The following GLDC variants were observed in gnomAD, a reference collection of about 807,000 sequenced individuals.
GLDC encodes glycine decarboxylase.
A neutral mutation model predicts 121.3 loss-of-function variants in GLDC; 104 were observed. That is an observed-to-expected ratio of 0.86 (90% CI 0.73 to 1.01). GLDC has a LOEUF of 1.01. Ranked by LOEUF, GLDC falls within the 50% of genes least tolerant of loss-of-function variation. The pLI, the probability that GLDC is intolerant of heterozygous loss-of-function variation, is 0.00. For synonymous variants in GLDC, 546 were observed against 480.6 expected, an observed-to-expected ratio of 1.14 and a Z score of -1.78; for missense variants, 1,429 against 1,306.6, an observed-to-expected ratio of 1.09 and a Z score of -1.44.
chr9:6,618,112 T>C (rs1587970923), intron 3 of GLDC, among the ~76,000 whole-genome samples: 1 of 152,232 alleles, frequency 6.6e-6, no homozygotes, highest in South Asian at 2.1e-4. Context: ...ACTCCATCTA[T>C]GTCTGATTTG....
intron 3 of GLDC, among the ~76,000 whole-genome samples, chr9:6,612,959 C>G (rs1336619730): frequency 6.6e-6 from 1 of 152,156 alleles, no homozygotes; most frequent in Non-Finnish European, 1.5e-5. Context: ...GGGAGTGAGA[C>G]TCTGTCTCAA....
chr9:6,632,413 G>A (rs1329790730), intron 2 of GLDC, among the ~76,000 whole-genome samples: 1 of 152,186 alleles, frequency 6.6e-6, no homozygotes, highest in Non-Finnish European at 1.5e-5. Flanking sequence ...TCATTGTTCA[G>A]TCAGTTAGTA....
In GLDC at chr9:6,638,537, A is replaced by C. The variant is rs183872060; in HGVS notation, c.334+6077T>G. ...GCTTCATCTTTGCTTCTTTACATTGAGAAGATATATTCCAACTCTTAACTC... is the reference window on the plus strand; with the variant it reads ...GCTTCATCTTTGCTTCTTTACATTGCGAAGATATATTCCAACTCTTAACTC... On this transcript the variant is annotated intron_variant, in intron 2 of 24. Coordinates refer to ENST00000321612, the MANE Select transcript of GLDC (RefSeq NM_000170.3). Among the ~76,000 whole-genome samples, 418 of 152,176 alleles carry C rather than the reference A, an allele frequency of 2.7e-3. 5 individuals carry two copies. The highest frequency in any genetic ancestry group is 1.1e-3 in the Non-Finnish European group (74 of 68,016).
chr9:6,589,132 C>G, intron 12 of GLDC, 63 bp downstream of exon 12: 1 of 996,166 alleles, frequency 1.0e-6, no homozygotes, highest in Non-Finnish European at 1.6e-6. Context: ...CAGCAGCACT[C>G]TGCCTAACTC....
intron 17 of GLDC, 123 bp from the exon 18 acceptor site, chr9:6,556,425 C>G: frequency 1.2e-6 from 1 of 812,300 alleles, no homozygotes. Flanking sequence ...TTTCCTGGAA[C>G]TGTCTCAAAG....
intron 10 of GLDC, 71 bp from the exon 11 acceptor site, chr9:6,592,294 G>A (rs1587950440): frequency 2.1e-6 from 2 of 933,522 alleles, no homozygotes; most frequent in East Asian, 2.4e-5. Flanking sequence ...CCCAAGAGAG[G>A]TCAAAGGGGA....
intron 15 of GLDC, among the ~76,000 whole-genome samples, chr9:6,575,699 A>G (rs1415646590): frequency 1.3e-5 from 2 of 152,240 alleles, no homozygotes; most frequent in Non-Finnish European, 2.9e-5. Flanking sequence ...TTTTAAGCCA[A>G]GTGAGCTAAT....
Position 6,536,228 on chromosome 9 carries a change from C to T in GLDC, c.2674G>A (p.Ala892Thr), listed in dbSNP as rs146939116. 1.1e-5 allele frequency: 18 copies of T among 1,613,352 alleles called. No individual in the cohort carries two copies. Among genetic ancestry groups the T allele is most frequent in the African/African-American group, 2.7e-5 (2 of 74,908 alleles). Residue 892 changes from alanine to threonine, a missense_variant, in exon 23 of 25, where the codon GCC (alanine) becomes ACC (threonine). Coordinates refer to ENST00000321612, the MANE Select transcript of GLDC (RefSeq NM_000170.3). ...GCCACAGGCCAGGACATGGTAGGGG[C>T]GTGAAATCCTGCAAAGGGAGACAGG... is the stretch of plus-strand genomic sequence containing the variant. ...AKRLQDYGFH[A>T]PTMSWPVAGT...
chr9:6,639,669 G>GTATATATATATATATATATATATATATA (rs150365649), intron 2 of GLDC: 18 of 227,284 alleles, frequency 7.9e-5, no homozygotes, highest in East Asian at 2.6e-4. Context: ...TAAAAAAAAA[G>GTATATATATATATATATATATATATATA]TATATATATA....
chr9:6,636,392 G>C (rs1819503303), intron 2 of GLDC, among the ~76,000 whole-genome samples: 1 of 152,156 alleles, frequency 6.6e-6, no homozygotes, highest in Non-Finnish European at 1.5e-5. Flanking sequence ...CTGATAATGG[G>C]AGACTCTACG....
intron 2 of GLDC, among the ~76,000 whole-genome samples, chr9:6,636,080 A>G (rs1389644722): frequency 1.3e-5 from 2 of 152,004 alleles, no homozygotes; most frequent in African/African-American, 4.8e-5. Context: ...AGGTGGGTAG[A>G]TCATCTGAGG....
Position 6,558,641 on chromosome 9 carries a change from C to T in GLDC, c.1970G>A (p.Ser657Asn), listed in dbSNP as rs1301895668. The T allele has an allele frequency of 1.2e-6, 2 of 1,614,110 alleles. No homozygotes were observed. The highest frequency in any genetic ancestry group is 1.7e-5 in the Admixed American group (1 of 60,020). ...PKSAHGTNPA[S>N]AHMAGMKIQP... ...AATCTTCATGCCTGCCATGTGGGCACTTGCTGGGTTGGTCCCATGTGCTGA... is the reference window on the plus strand; with the variant it reads ...AATCTTCATGCCTGCCATGTGGGCATTTGCTGGGTTGGTCCCATGTGCTGA... The change falls in exon 17 of 25, where the codon AGT becomes AAT. Residue 657 changes from serine (S) to asparagine (N), a missense_variant. Ser to Asn is a conservative substitution (Grantham distance 46, BLOSUM62 1). Coordinates refer to ENST00000321612, the MANE Select transcript of GLDC (RefSeq NM_000170.3).
chr9:6,549,095 G>T (rs896853957), intron 21 of GLDC, among the ~76,000 whole-genome samples: 2 of 152,112 alleles, frequency 1.3e-5, no homozygotes, highest in African/African-American at 2.4e-5. Flanking sequence ...ATAGACAAAG[G>T]TTCCTTTTAA....
intron 2 of GLDC, among the ~76,000 whole-genome samples, chr9:6,635,957 T>C (rs987809967): frequency 6.6e-6 from 1 of 152,046 alleles, no homozygotes; most frequent in Non-Finnish European, 1.5e-5. Flanking sequence ...ACTACAGTTG[T>C]CTAAACCCCT....
chr9:6,644,959 C>T (rs1000672634), intron 1 of GLDC: 1 of 610,998 alleles, frequency 1.6e-6, no homozygotes, highest in African/African-American at 1.9e-5. Context: ...GGTCTTCCTC[C>T]TCTTGCAAAG....
At chr9:6,642,464 G>A (rs763641724) in intron 2 of GLDC, among the ~76,000 whole-genome samples, 1 of 152,178 alleles carries the variant, frequency 6.6e-6, no homozygotes. Flanking sequence ...CGGGGAGGCA[G>A]AGGTTGTAGT....
At chr9:6,606,077 G>A (rs1818724184) in intron 5 of GLDC, 1 of 159,836 alleles carries the variant, frequency 6.3e-6, no homozygotes, top group African/African-American at 2.4e-5. Flanking sequence ...GGAGGCGGAG[G>A]TGGGCGGGTC....
At chr9:6,606,518 G>A (rs1818736493) in intron 5 of GLDC, 74 bp downstream of exon 5, 7 of 954,208 alleles carry the variant, frequency 7.3e-6, no homozygotes, top group African/African-American at 6.5e-5. Context: ...CAGTTTGGAA[G>A]TGAGAAAGAG....
intron 2 of GLDC, among the ~76,000 whole-genome samples, chr9:6,637,799 T>G (rs1263755690): frequency 6.6e-6 from 1 of 152,046 alleles, no homozygotes; most frequent in East Asian, 1.9e-4. Flanking sequence ...GATTCTAATT[T>G]TAATAAGAAA....
Sources: gnomAD v4.1 joint callset for allele counts (sites outside exome capture counted in the v4.1 genomes callset) on GRCh38, gnomAD v4.1.1 for gene constraint, MANE v1.5 for transcripts, NCBI Gene and HGNC (gene_info 2026-07-23, HGNC 2026-07-21) for gene names.